Variants in TP53INP1 observed in about 807,000 individuals in gnomAD.
TP53INP1 encodes tumor protein p53-inducible nuclear protein 1.
TP53INP1 carries 12 observed loss-of-function variants against 21.0 expected under a neutral mutation model. The observed-to-expected ratio is 0.57, with a 90% confidence interval of 0.37 to 0.93. The LOEUF is 0.93. Ranked by LOEUF, TP53INP1 falls within the 40% of genes least tolerant of loss-of-function variation. The pLI is 0.01. For synonymous variants in TP53INP1, 91 were observed against 94.8 expected (o/e 0.96, Z 0.23); for missense variants, 274 against 294.7 (o/e 0.93, Z 0.51).
At chr8:94,936,690 A>G (rs1261123330) in intron 3 of TP53INP1, among the ~76,000 whole-genome samples, 1 of 151,994 alleles carries the variant, frequency 6.6e-6, no homozygotes, top group African/African-American at 2.4e-5. Context: ...AACCCTACGG[A>G]AATTTGAGGG....
intron 1 of TP53INP1, among the ~76,000 whole-genome samples, chr8:94,948,952 G>A (rs919571655): frequency 8.0e-5 from 12 of 150,626 alleles, no homozygotes; most frequent in African/African-American, 2.9e-4. Flanking sequence ...GGGGGCCGCC[G>A]AGGACCGACC....
intron 3 of TP53INP1, chr8:94,932,088 A>C (rs958226749): frequency 6.2e-7 from 1 of 1,610,670 alleles, no homozygotes; most frequent in Non-Finnish European, 8.5e-7. Context: ...CGTGAGTCTT[A>C]TAAGCAGCTT....
rs1481871730 is a variant in TP53INP1 at position 94,927,052 on chromosome 8, C to T, written c.*3427G>A. 2.0e-5 allele frequency: 3 copies of T among 152,438 alleles called. No individual in the cohort carries two copies. The highest frequency in any genetic ancestry group is 7.2e-5 in the African/African-American group (3 of 41,448). 9.4% of individuals were successfully genotyped at this position (152,438 alleles called of 1,614,324 possible). ...TTTAAAGTAACATTACAAACATATA[C>T]TACTAGTGTCTCCCAGTACAAGGAG... On this transcript the variant is annotated 3_prime_UTR_variant, in exon 4 of 4. Coordinates refer to ENST00000342697, the MANE Select transcript of TP53INP1 (RefSeq NM_033285.4).
In TP53INP1 at chr8:94,927,807, G is replaced by C. The variant is rs1195344190; in HGVS notation, c.*2672C>G. ...AGACTTTTTCCAAGTAACATTCTATGTTAACAGTTTAGAGCTACTAATTCA... is the reference window on the plus strand; with the variant it reads ...AGACTTTTTCCAAGTAACATTCTATCTTAACAGTTTAGAGCTACTAATTCA... On this transcript the variant is annotated 3_prime_UTR_variant, in exon 4 of 4. Coordinates refer to ENST00000342697, the MANE Select transcript of TP53INP1 (RefSeq NM_033285.4). 1 of 152,322 alleles carries C rather than the reference G, an allele frequency of 6.6e-6. No homozygotes were observed. Among genetic ancestry groups the C allele is most frequent in the Admixed American group, 6.6e-5 (1 of 15,230 alleles). The allele number at this position is 152,322 out of a possible 1,614,324, so 9.4% of individuals were successfully genotyped here.
intron 3 of TP53INP1, among the ~76,000 whole-genome samples, chr8:94,938,566 G>A (rs1241434659): frequency 1.3e-5 from 2 of 152,208 alleles, no homozygotes; most frequent in Non-Finnish European, 2.9e-5. Flanking sequence ...AAACTCCAGA[G>A]AGGGGAGAGG....
rs1254158349 is a variant in TP53INP1, at chr8:94,926,521, C to G, written c.*3958G>C. The G allele has an allele frequency of 6.6e-6, 1 of 151,740 alleles. No individual in the cohort carries two copies. The highest frequency in any genetic ancestry group is 1.5e-5 in the Non-Finnish European group (1 of 68,012). The allele number at this position is 151,740 out of a possible 1,614,324, so 9.4% of individuals were successfully genotyped here. A position where few individuals can be genotyped will look rare whatever the true frequency, so the allele number is the denominator to read the frequency against. ...TCCAAGCCTGAAACACACATCTAACCTCCCCAGGTACTGGTTTGGTTTTCA... is the reference window on the plus strand; with the variant it reads ...TCCAAGCCTGAAACACACATCTAACGTCCCCAGGTACTGGTTTGGTTTTCA... On this transcript the variant is annotated 3_prime_UTR_variant, in exon 4 of 4. Transcript: ENST00000342697.
At position 94,929,039 on chromosome 8, in the gene TP53INP1, A is replaced by G. The variant is rs1820142780; in HGVS notation, c.*1440T>C. On this transcript the variant is annotated 3_prime_UTR_variant, in exon 4 of 4. Coordinates refer to ENST00000342697, the MANE Select transcript of TP53INP1 (RefSeq NM_033285.4). ...GCAAAACCCATCACAACTGCGGAAA[A>G]AGGAAGTGACTGGCTAGAGGTAAGG... 6.6e-6 allele frequency: 1 copy of G among 152,646 alleles called. No individual in the cohort carries two copies. Among genetic ancestry groups the G allele is most frequent in the South Asian group, 2.1e-4 (1 of 4,820 alleles). The allele number at this position is 152,646 out of a possible 1,614,324, so 9.5% of individuals were successfully genotyped here. A position where few individuals can be genotyped will look rare whatever the true frequency, so the allele number is the denominator to read the frequency against.
chr8:94,936,821 A>G (rs1013855749), intron 3 of TP53INP1, among the ~76,000 whole-genome samples: 6 of 152,186 alleles, frequency 3.9e-5, no homozygotes, highest in African/African-American at 9.7e-5. Flanking sequence ...GGTTCATTAA[A>G]TGAGTGGTAC....
At position 94,927,436 on chromosome 8, in the gene TP53INP1, G is replaced by A. The variant is rs1400258422; in HGVS notation, c.*3043C>T. ...CTCAAAGTACTGATACAACAGAGAA[G>A]GTATGTAAACAGGAACAGTTTGCAT... On this transcript the variant is annotated 3_prime_UTR_variant, in exon 4 of 4. Coordinates refer to ENST00000342697, the MANE Select transcript of TP53INP1 (RefSeq NM_033285.4). The A allele has an allele frequency of 1.3e-5, 2 of 152,104 alleles. No homozygotes were observed. The highest frequency in any genetic ancestry group is 4.8e-5 in the African/African-American group (2 of 41,426). 9.4% of individuals were successfully genotyped at this position (152,104 alleles called of 1,614,324 possible). A position where few individuals can be genotyped will look rare whatever the true frequency, so the allele number is the denominator to read the frequency against.
At chr8:94,935,803 C>A (rs1019183320) in intron 3 of TP53INP1, among the ~76,000 whole-genome samples, 1 of 152,198 alleles carries the variant, frequency 6.6e-6, no homozygotes, top group Non-Finnish European at 1.5e-5. Context: ...GTGAGCTTTA[C>A]GTAAAGAAGT....
At chr8:94,943,935 A>G (rs1821773203) in intron 1 of TP53INP1, among the ~76,000 whole-genome samples, 1 of 152,228 alleles carries the variant, frequency 6.6e-6, no homozygotes, top group Admixed American at 6.5e-5. Context: ...AAGAACAATC[A>G]GAAGAAAAGT....
At chr8:94,934,089 AAG>A (rs1229414830) in intron 3 of TP53INP1, among the ~76,000 whole-genome samples, 25 of 152,230 alleles carry the variant, frequency 1.6e-4, no homozygotes, top group East Asian at 5.8e-4. Flanking sequence ...AAAAAAAAAA[AAG>A]AAGTATATAT....
At chr8:94,931,863 T>C (rs1820436664) in intron 3 of TP53INP1, among the ~76,000 whole-genome samples, 1 of 152,058 alleles carries the variant, frequency 6.6e-6, no homozygotes, top group Non-Finnish European at 1.5e-5. Context: ...TCCCAGCTAC[T>C]TGGGAGGCTG....
At chr8:94,934,888 C>T (rs188951843) in intron 3 of TP53INP1, among the ~76,000 whole-genome samples, 4 of 152,242 alleles carry the variant, frequency 2.6e-5, no homozygotes, top group Admixed American at 2.0e-4. Flanking sequence ...TAACATTCCC[C>T]ACCCATGACC....
intron 3 of TP53INP1, among the ~76,000 whole-genome samples, chr8:94,935,365 A>G (rs1209082974): frequency 6.6e-6 from 1 of 152,194 alleles, no homozygotes; most frequent in Non-Finnish European, 1.5e-5. Flanking sequence ...ACTTTCAGCT[A>G]ATTAACTGGG....
At chr8:94,930,890 C>G (rs1239671417) in intron 3 of TP53INP1, among the ~76,000 whole-genome samples, 162 bp from the exon 4 acceptor site, 8 of 152,186 alleles carry the variant, frequency 5.3e-5, no homozygotes, top group Non-Finnish European at 1.5e-5. Flanking sequence ...TGTGACCCCA[C>G]TGACTGATAG....
Position 94,930,766 on chromosome 8 carries a change from A to C in TP53INP1, c.474-38T>G, listed in dbSNP as rs570238273. 1.3e-4 allele frequency: 206 copies of C among 1,599,522 alleles called. 4 individuals carry two copies. In the South Asian group the frequency reaches 2.2e-3, roughly 17 times the overall value. ...AAAGTGGGGATGTATTAAATAACAGAGTATGTTATTAACAAAACTGGAAAA... is the reference window on the plus strand; with the variant it reads ...AAAGTGGGGATGTATTAAATAACAGCGTATGTTATTAACAAAACTGGAAAA... On this transcript the variant is annotated intron_variant, in intron 3 of 3. Transcript: ENST00000342697.
rs1380557908 is a variant in TP53INP1 at position 94,928,086 on chromosome 8, C to T, written c.*2393G>A. On this transcript the variant is annotated 3_prime_UTR_variant, in exon 4 of 4. Coordinates refer to ENST00000342697, the MANE Select transcript of TP53INP1 (RefSeq NM_033285.4). ...CCATTTTCTTCAATACTTACATGTG[C>T]CAATTTTAGGCAGAAACCACAGTAT... 1 of 151,856 alleles carries T rather than the reference C, an allele frequency of 6.6e-6. No individual in the cohort carries two copies. Among genetic ancestry groups the T allele is most frequent in the Admixed American group, 6.6e-5 (1 of 15,242 alleles). The allele number at this position is 151,856 out of a possible 1,614,324, so 9.4% of individuals were successfully genotyped here.
rs1303306215 is a variant in TP53INP1, at chr8:94,941,021, G to A, written c.-80C>T. On this transcript the variant is annotated 5_prime_UTR_variant, in exon 2 of 4. Coordinates refer to ENST00000342697, the MANE Select transcript of TP53INP1 (RefSeq NM_033285.4). ...AACCTTGTCTTTAGTTGGCCCAATG[G>A]TACCGACAGGAGATTAAAGTGCACA... 44 of 1,018,492 alleles carry A rather than the reference G, an allele frequency of 4.3e-5. No individual in the cohort carries two copies. In the Admixed American group the frequency reaches 8.7e-4, roughly 20 times the overall value. 63.1% of individuals were successfully genotyped at this position (1,018,492 alleles called of 1,614,324 possible).
Sources: allele counts gnomAD v4.1 joint callset (sites outside exome capture counted in the v4.1 genomes callset), GRCh38; gene constraint gnomAD v4.1.1; transcripts MANE v1.5; gene names NCBI Gene and HGNC (gene_info 2026-07-23, HGNC 2026-07-21).